EPHA6: variants seen among roughly 807,000 people sequenced by gnomAD.
EPHA6 encodes ephrin type-A receptor 6.
In EPHA6, 50 loss-of-function variants were observed where a neutral mutation model predicts 112.0. That is an observed-to-expected ratio of 0.45 (90% CI 0.36 to 0.56). The LOEUF is 0.56. Ranked by LOEUF, EPHA6 falls within the 20% of genes least tolerant of loss-of-function variation. The pLI is 0.00. For missense variants in EPHA6, 1,280 were observed against 1,417.4 expected (o/e 0.90, Z 1.56); for synonymous variants, 529 against 490.7 (o/e 1.08, Z -1.03).
intron 2 of EPHA6, among the ~76,000 whole-genome samples, chr3:96,943,420 AAAAC>A (rs1363161793): frequency 7.2e-5 from 11 of 152,204 alleles, no homozygotes; most frequent in African/African-American, 2.7e-4. Flanking sequence ...GTGTCAATTA[AAAAC>A]AAACAAAAAC....
chr3:97,009,402 AGCC>A (rs1193202282), intron 3 of EPHA6, among the ~76,000 whole-genome samples: 2 of 152,194 alleles, frequency 1.3e-5, no homozygotes, highest in East Asian at 3.9e-4. Flanking sequence ...ATACTGCCAC[AGCC>A]AGTATTTTGG....
chr3:97,742,516 A>T (rs1387482710), intron 16 of EPHA6, among the ~76,000 whole-genome samples: 5 of 152,140 alleles, frequency 3.3e-5, no homozygotes, highest in African/African-American at 1.2e-4. Flanking sequence ...TTCACTAGTT[A>T]TCAGCCTTAT....
chr3:97,413,965 A>T (rs910152156), intron 6 of EPHA6, among the ~76,000 whole-genome samples: 1 of 152,002 alleles, frequency 6.6e-6, no homozygotes, highest in Admixed American at 6.6e-5. Context: ...AGATTTGTTC[A>T]TTTCAGATGC....
intron 12 of EPHA6, among the ~76,000 whole-genome samples, chr3:97,608,243 A>T (rs1016257322): frequency 6.6e-6 from 1 of 151,316 alleles, no homozygotes; most frequent in Non-Finnish European, 1.5e-5. Context: ...TAATGAGAAG[A>T]TAGAACTTGT....
chr3:97,169,186 G>A (rs16838421), intron 3 of EPHA6, among the ~76,000 whole-genome samples: 1,903 of 152,222 alleles, frequency 0.013, 33 homozygotes, highest in African/African-American at 0.041. Context: ...GTTTGCCTGT[G>A]TTTAATGGCC....
At chr3:97,301,177 A>G (rs958742705) in intron 5 of EPHA6, among the ~76,000 whole-genome samples, 17 of 152,162 alleles carry the variant, frequency 1.1e-4, no homozygotes, top group African/African-American at 4.1e-4. Flanking sequence ...TATTTAAAAA[A>G]GAGAGAATGA....
At position 97,336,737 on chromosome 3, in the gene EPHA6, G is replaced by T. The variant is rs76176615; in HGVS notation, c.1607-68413G>T. Among the ~76,000 whole-genome samples the T allele has an allele frequency of 6.4e-3, 976 of 152,194 alleles. 9 individuals are homozygous for T. The highest frequency in any genetic ancestry group is 0.02 in the Admixed American group (299 of 15,244). ...ATTCTATTGCATTTTTACAAAACTT[G>T]TCTGAAAGAGCTCAATGTCTCAGAG... is the stretch of plus-strand genomic sequence containing the variant. On this transcript the variant is annotated intron_variant, in intron 5 of 17. Coordinates refer to ENST00000389672, the MANE Select transcript of EPHA6 (RefSeq NM_001080448.3).
chr3:97,180,756 C>G (rs1197138739), intron 3 of EPHA6, among the ~76,000 whole-genome samples: 1 of 152,190 alleles, frequency 6.6e-6, no homozygotes, highest in South Asian at 2.1e-4. Flanking sequence ...TTACACTTCC[C>G]TCTCCTCTCC....
intron 5 of EPHA6, among the ~76,000 whole-genome samples, chr3:97,274,815 C>A (rs2080013309): frequency 1.3e-5 from 2 of 152,120 alleles, no homozygotes; most frequent in Admixed American, 6.5e-5. Flanking sequence ...GAGATACAGT[C>A]ATGAGGGTCA....
intron 10 of EPHA6, among the ~76,000 whole-genome samples, chr3:97,524,349 A>G (rs2092588982): frequency 6.6e-6 from 1 of 152,098 alleles, no homozygotes; most frequent in Non-Finnish European, 1.5e-5. Context: ...CTACAATTGC[A>G]TACAAAGACT....
chr3:97,384,233 C>T (rs1226316134), intron 5 of EPHA6, among the ~76,000 whole-genome samples: 3 of 152,074 alleles, frequency 2.0e-5, no homozygotes, highest in African/African-American at 7.2e-5. Context: ...TATACATATT[C>T]CTCACAACCT....
At chr3:97,045,847 A>AT (rs1265445473) in intron 3 of EPHA6, among the ~76,000 whole-genome samples, 10 of 151,934 alleles carry the variant, frequency 6.6e-5, no homozygotes, top group African/African-American at 1.9e-4. Flanking sequence ...TCATGGTGAG[A>AT]TTTTGTCGCC....
intron 11 of EPHA6, among the ~76,000 whole-genome samples, chr3:97,562,889 C>T (rs2093211070): frequency 6.6e-6 from 1 of 152,166 alleles, no homozygotes. Flanking sequence ...AAGATTACTA[C>T]TTGCTGAGGG....
intron 2 of EPHA6, among the ~76,000 whole-genome samples, chr3:96,934,689 T>C (rs2040492564): frequency 6.6e-6 from 1 of 151,338 alleles, no homozygotes; most frequent in East Asian, 1.9e-4. Context: ...TATTTTCAAA[T>C]ATTAATGGTT....
intron 3 of EPHA6, among the ~76,000 whole-genome samples, chr3:97,052,024 ATTTG>A (rs2045699949): frequency 6.6e-6 from 1 of 152,106 alleles, no homozygotes; most frequent in Admixed American, 6.6e-5. Flanking sequence ...CCAACTATAA[ATTTG>A]TTTATCTTCA....
At chr3:97,527,769 G>A (rs1048482409) in intron 10 of EPHA6, among the ~76,000 whole-genome samples, 1 of 152,134 alleles carries the variant, frequency 6.6e-6, no homozygotes, top group Non-Finnish European at 1.5e-5. Context: ...AGGAGGATGT[G>A]ATTGGCTTGT....
chr3:97,501,079 A>G (rs1226952289), intron 10 of EPHA6, among the ~76,000 whole-genome samples: 2 of 152,178 alleles, frequency 1.3e-5, no homozygotes, highest in Non-Finnish European at 2.9e-5. Context: ...AAAATGAGGT[A>G]TATAAGAACA....
chr3:97,190,808 G>T (rs9876734), intron 3 of EPHA6, among the ~76,000 whole-genome samples: 2,053 of 151,926 alleles, frequency 0.014, 50 homozygotes, highest in African/African-American at 0.047. Flanking sequence ...CATGGCACAT[G>T]TATACATATG....
chr3:97,280,229 T>C (rs1181005288), intron 5 of EPHA6, among the ~76,000 whole-genome samples: 1 of 152,240 alleles, frequency 6.6e-6, no homozygotes, highest in African/African-American at 2.4e-5. Context: ...TGTAAAAGTG[T>C]AGCTTAACTG....
Sources: gnomAD v4.1 joint callset for allele counts (sites outside exome capture counted in the v4.1 genomes callset) on GRCh38, gnomAD v4.1.1 for gene constraint, MANE v1.5 for transcripts, NCBI Gene and HGNC (gene_info 2026-07-23, HGNC 2026-07-21) for gene names.